Variants in PDSS2 observed in about 807,000 individuals in gnomAD.
The protein encoded by PDSS2 is decaprenyl diphosphate synthase subunit 2, also known as all trans-polyprenyl-diphosphate synthase PDSS2.
PDSS2 carries 31 observed loss-of-function variants against 44.5 expected under a neutral mutation model. That is an observed-to-expected ratio of 0.70 (90% CI 0.52 to 0.94). PDSS2 has a LOEUF of 0.94. Among genes scored for constraint, PDSS2 ranks in the 40% least tolerant of loss-of-function variants. The pLI, the probability that PDSS2 is intolerant of heterozygous loss-of-function variation, is 0.00. For synonymous variants in PDSS2, 157 were observed against 180.3 expected (o/e 0.87, Z 1.03); for missense variants, 452 against 482.2 (o/e 0.94, Z 0.59).
At chr6:107,322,876 C>T (rs1480375216) in intron 2 of PDSS2, among the ~76,000 whole-genome samples, 1 of 152,094 alleles carries the variant, frequency 6.6e-6, no homozygotes, top group Non-Finnish European at 1.5e-5. Context: ...GAAATCTTAA[C>T]AACAGAAAAG....
At chr6:107,458,649 TAA>T (rs34853592) in intron 1 of PDSS2, among the ~76,000 whole-genome samples, 3 of 143,214 alleles carry the variant, frequency 2.1e-5, no homozygotes, top group African/African-American at 5.1e-5. Flanking sequence ...TCTATCCCAT[TAA>T]AAAAAAAAAA....
chr6:107,414,314 G>A (rs754681255), intron 1 of PDSS2, among the ~76,000 whole-genome samples: 12 of 152,192 alleles, frequency 7.9e-5, no homozygotes, highest in Non-Finnish European at 1.8e-4. Context: ...CTCAGAAGGA[G>A]GTTCTTGAAT....
chr6:107,193,024 T>G (rs568670756), intron 7 of PDSS2, among the ~76,000 whole-genome samples: 2 of 152,306 alleles, frequency 1.3e-5, no homozygotes, highest in East Asian at 3.9e-4. Flanking sequence ...GTTGCATAAA[T>G]CAGATGGTTG....
chr6:107,218,967 A>C (rs1275216021), intron 4 of PDSS2, among the ~76,000 whole-genome samples: 1 of 151,926 alleles, frequency 6.6e-6, no homozygotes, highest in Non-Finnish European at 1.5e-5. Flanking sequence ...CTGAGGCAGG[A>C]GAATCACTTG....
chr6:107,429,960 T>C (rs1325024457), intron 1 of PDSS2, among the ~76,000 whole-genome samples: 8 of 132,274 alleles, frequency 6.0e-5, no homozygotes, highest in Non-Finnish European at 9.5e-5. Flanking sequence ...GAAAGAAAGA[T>C]TTTGGGAGAT....
chr6:107,437,690 C>T (rs1266495167), intron 1 of PDSS2, among the ~76,000 whole-genome samples: 1 of 152,006 alleles, frequency 6.6e-6, no homozygotes, highest in Non-Finnish European at 1.5e-5. Context: ...GGCCTCCCTG[C>T]ACACGAGCTT....
At chr6:107,205,167 T>G (rs1216002248) in intron 6 of PDSS2, among the ~76,000 whole-genome samples, 1 of 152,232 alleles carries the variant, frequency 6.6e-6, no homozygotes, top group East Asian at 1.9e-4. Context: ...TGTTTTACTT[T>G]CTGAATAAGG....
At chr6:107,275,001 A>G (rs1267981758) in intron 2 of PDSS2, among the ~76,000 whole-genome samples, 1 of 152,050 alleles carries the variant, frequency 6.6e-6, no homozygotes, top group Non-Finnish European at 1.5e-5. Flanking sequence ...ATAAATGCAA[A>G]GCTATGGGGT....
chr6:107,369,046 T>G (rs908115718), intron 1 of PDSS2, among the ~76,000 whole-genome samples: 18 of 152,244 alleles, frequency 1.2e-4, no homozygotes, highest in African/African-American at 4.1e-4. Context: ...TTGAAAAAAG[T>G]GCCAAGACAA....
intron 1 of PDSS2, among the ~76,000 whole-genome samples, chr6:107,360,701 A>T (rs1778745686): frequency 6.6e-6 from 1 of 152,208 alleles, no homozygotes; most frequent in African/African-American, 2.4e-5. Flanking sequence ...ATACTCAACA[A>T]ACTTTTGTTT....
chr6:107,281,640 A>G (rs1206586723), intron 2 of PDSS2, among the ~76,000 whole-genome samples: 2 of 152,190 alleles, frequency 1.3e-5, no homozygotes, highest in Non-Finnish European at 2.9e-5. Context: ...TTTGTGATCA[A>G]TATTATTTTT....
chr6:107,356,508 A>C (rs138464615), intron 1 of PDSS2, among the ~76,000 whole-genome samples: 190 of 152,348 alleles, frequency 1.2e-3, no homozygotes, highest in African/African-American at 3.9e-3. Context: ...AAAAATGTTA[A>C]AAACCTGTTA....
At chr6:107,174,077 A>C (rs1484796787) in intron 7 of PDSS2, among the ~76,000 whole-genome samples, 2 of 152,228 alleles carry the variant, frequency 1.3e-5, no homozygotes, top group Non-Finnish European at 2.9e-5. Context: ...ACTAATGTTT[A>C]GAAAACTATT....
intron 1 of PDSS2, among the ~76,000 whole-genome samples, chr6:107,384,531 C>T (rs1779551418): frequency 6.6e-6 from 1 of 151,892 alleles, no homozygotes; most frequent in Non-Finnish European, 1.5e-5. Context: ...ATCTCAGCTA[C>T]TCAGGAGGCT....
intron 1 of PDSS2, among the ~76,000 whole-genome samples, chr6:107,391,436 A>G (rs1345628730): frequency 1.3e-5 from 2 of 152,102 alleles, no homozygotes; most frequent in African/African-American, 4.8e-5. Context: ...AAGGACTAAT[A>G]ACATCCTTAG....
intron 2 of PDSS2, among the ~76,000 whole-genome samples, chr6:107,299,553 TTC>T (rs1776627145): frequency 6.6e-6 from 1 of 152,118 alleles, no homozygotes; most frequent in African/African-American, 2.4e-5. Context: ...GTCATAATTT[TTC>T]TCTTTACTGT....
chr6:107,407,364 A>G (rs192140125), intron 1 of PDSS2, among the ~76,000 whole-genome samples: 10 of 152,328 alleles, frequency 6.6e-5, no homozygotes, highest in Admixed American at 2.0e-4. Flanking sequence ...TAGTGGTGAT[A>G]GTTGCAAAAC....
At chr6:107,276,937 G>C (rs989835879) in intron 2 of PDSS2, among the ~76,000 whole-genome samples, 2 of 152,190 alleles carry the variant, frequency 1.3e-5, no homozygotes, top group African/African-American at 4.8e-5. Context: ...GGTAAACACA[G>C]ACACATAAAT....
chr6:107,268,364 A>G (rs1775480876), intron 3 of PDSS2, among the ~76,000 whole-genome samples: 1 of 152,202 alleles, frequency 6.6e-6, no homozygotes, highest in Non-Finnish European at 1.5e-5. Flanking sequence ...ATTTATTTCA[A>G]AAACAAACAG....
Sources: gnomAD v4.1 joint callset for allele counts (sites outside exome capture counted in the v4.1 genomes callset) on GRCh38, gnomAD v4.1.1 for gene constraint, MANE v1.5 for transcripts, NCBI Gene and HGNC (gene_info 2026-07-23, HGNC 2026-07-21) for gene names.